The following PRKG1 variants were observed in gnomAD, a reference collection of about 807,000 sequenced individuals.
PRKG1 encodes the protein protein kinase cGMP-dependent 1, also known as cGMP-dependent protein kinase 1.
Under a neutral mutation model 88.1 loss-of-function variants are expected in PRKG1, and 35 were observed. The observed-to-expected ratio is 0.40, with a 90% CI of 0.30 to 0.53. The LOEUF is 0.53. Ranked by LOEUF, PRKG1 falls within the 20% of genes least tolerant of loss-of-function variation. The pLI is 0.59. For missense variants in PRKG1, 540 were observed against 839.8 expected, an observed-to-expected ratio of 0.64 and a Z score of 4.41; for synonymous variants, 303 against 292.5, an observed-to-expected ratio of 1.04 and a Z score of -0.37.
intron 2 of PRKG1, among the ~76,000 whole-genome samples, chr10:51,165,895 G>C (rs1012594277): frequency 6.6e-6 from 1 of 152,062 alleles, no homozygotes; most frequent in South Asian, 2.1e-4. Context: ...AAAAAAGAAG[G>C]GTGTGAACAT....
intron 3 of PRKG1, among the ~76,000 whole-genome samples, chr10:51,735,431 C>T (rs955936433): frequency 2.6e-5 from 4 of 152,014 alleles, no homozygotes; most frequent in African/African-American, 9.7e-5. Flanking sequence ...ATGGATTTTC[C>T]TCATCTTAAT....
At chr10:51,511,637 A>G (rs1026167774) in intron 3 of PRKG1, among the ~76,000 whole-genome samples, 15 of 152,334 alleles carry the variant, frequency 9.8e-5, no homozygotes, top group Admixed American at 5.9e-4. Flanking sequence ...TTATAATGAA[A>G]TATCAGTAAC....
chr10:51,855,515 A>G (rs1245954729), intron 4 of PRKG1, among the ~76,000 whole-genome samples: 1 of 152,142 alleles, frequency 6.6e-6, no homozygotes, highest in African/African-American at 2.4e-5. Context: ...GAATGCAATT[A>G]CTTCTATGTC....
At chr10:52,220,937 A>G (rs939759034) in intron 9 of PRKG1, among the ~76,000 whole-genome samples, 24 of 125,458 alleles carry the variant, frequency 1.9e-4, no homozygotes, top group Non-Finnish European at 4.3e-4. Flanking sequence ...TGCTGGATTG[A>G]ATGATATTTC....
intron 3 of PRKG1, among the ~76,000 whole-genome samples, chr10:51,694,223 A>G (rs1221143481): frequency 1.3e-5 from 2 of 152,218 alleles, no homozygotes; most frequent in Non-Finnish European, 2.9e-5. Context: ...GTTGTTGCAC[A>G]TAATTATCCT....
intron 9 of PRKG1, among the ~76,000 whole-genome samples, chr10:52,243,122 T>C (rs1302594702): frequency 1.3e-5 from 2 of 152,200 alleles, no homozygotes; most frequent in Non-Finnish European, 1.5e-5. Flanking sequence ...CTGTGGACTT[T>C]CATTTTTGGC....
chr10:51,714,328 A>G (rs192043739), intron 3 of PRKG1, among the ~76,000 whole-genome samples: 32 of 152,294 alleles, frequency 2.1e-4, no homozygotes, highest in African/African-American at 7.7e-4. Context: ...TTGGATGACC[A>G]TAGTTCTCTT....
intron 4 of PRKG1, among the ~76,000 whole-genome samples, chr10:51,820,321 G>A (rs1024118705): frequency 4.0e-5 from 6 of 151,854 alleles, no homozygotes; most frequent in South Asian, 2.1e-4. Context: ...TTCTTATGCC[G>A]CCACCATCTA....
At chr10:52,191,739 A>G (rs1371946032) in intron 9 of PRKG1, among the ~76,000 whole-genome samples, 2 of 152,200 alleles carry the variant, frequency 1.3e-5, no homozygotes, top group African/African-American at 2.4e-5. Flanking sequence ...TTAAGAGATA[A>G]CAATGTAATC....
intron 2 of PRKG1, among the ~76,000 whole-genome samples, chr10:51,182,715 A>C (rs1209379091): frequency 6.6e-6 from 1 of 152,172 alleles, no homozygotes; most frequent in Non-Finnish European, 1.5e-5. Context: ...GCAGATTTGC[A>C]TGCAAGATCC....
At chr10:51,991,359 G>T (rs960323345) in intron 5 of PRKG1, among the ~76,000 whole-genome samples, 2 of 151,926 alleles carry the variant, frequency 1.3e-5, no homozygotes, top group Non-Finnish European at 2.9e-5. Flanking sequence ...AATGGTGAAA[G>T]TAGTCATCCT....
intron 3 of PRKG1, among the ~76,000 whole-genome samples, chr10:51,545,969 A>G (rs990043370): frequency 1.3e-4 from 19 of 149,880 alleles, no homozygotes; most frequent in African/African-American, 4.7e-4. Context: ...CATTTATCTT[A>G]ATAGAAGTTA....
chr10:51,279,889 G>A (rs938939378), intron 2 of PRKG1, among the ~76,000 whole-genome samples: 6 of 152,140 alleles, frequency 3.9e-5, no homozygotes, highest in African/African-American at 1.2e-4. Context: ...GTTTAATATT[G>A]TTATGTGTGA....
At chr10:51,086,457 C>G (rs1844250049) in intron 1 of PRKG1, among the ~76,000 whole-genome samples, 1 of 152,058 alleles carries the variant, frequency 6.6e-6, no homozygotes, top group Non-Finnish European at 1.5e-5. Context: ...AATTTAGGCA[C>G]TTAGAAGCAT....
chr10:51,127,798 G>A (rs957362535), intron 1 of PRKG1, among the ~76,000 whole-genome samples: 1 of 152,190 alleles, frequency 6.6e-6, no homozygotes. Context: ...ATGAGTTCAT[G>A]CCCTTTGCAG....
chr10:51,047,829 A>G (rs1411126210), intron 1 of PRKG1, among the ~76,000 whole-genome samples: 1 of 152,186 alleles, frequency 6.6e-6, no homozygotes, highest in Non-Finnish European at 1.5e-5. Context: ...TCAAGAGTAT[A>G]TATTTTTTTA....
At chr10:51,174,608 C>A (rs16914978) in intron 2 of PRKG1, among the ~76,000 whole-genome samples, 8,512 of 151,932 alleles carry the variant, frequency 0.056, 460 homozygotes, top group African/African-American at 0.14. Flanking sequence ...TTCAAACTAC[C>A]AATATGATGC....
intron 3 of PRKG1, among the ~76,000 whole-genome samples, chr10:51,775,507 A>T (rs1223032786): frequency 6.6e-6 from 1 of 152,080 alleles, no homozygotes; most frequent in African/African-American, 2.4e-5. Context: ...ATCTGAGTAG[A>T]TGATTTTGTG....
intron 3 of PRKG1, among the ~76,000 whole-genome samples, chr10:51,586,805 G>A (rs1838185179): frequency 6.6e-6 from 1 of 152,068 alleles, no homozygotes; most frequent in African/African-American, 2.4e-5. Context: ...AGAGATAGTT[G>A]ATATATACTC....
Sources: allele counts gnomAD v4.1 joint callset (sites outside exome capture counted in the v4.1 genomes callset), GRCh38; gene constraint gnomAD v4.1.1; transcripts MANE v1.5; gene names NCBI Gene and HGNC (gene_info 2026-07-23, HGNC 2026-07-21).